SLC41A3: variants seen among roughly 807,000 people sequenced by gnomAD.
SLC41A3 encodes the protein solute carrier family 41 member 3.
A neutral mutation model predicts 45.4 loss-of-function variants in SLC41A3; 44 were observed. The observed-to-expected ratio is 0.97, with a 90% CI of 0.76 to 1.25. The LOEUF is 1.25. Ranked by LOEUF, SLC41A3 falls within the 50% of genes most tolerant of loss-of-function variation. SLC41A3 has a pLI of 0.00. For missense variants in SLC41A3, 550 were observed against 600.6 expected (o/e 0.92, Z 0.88); for synonymous variants, 256 against 252.4 (o/e 1.01, Z -0.13).
In SLC41A3 at chr3:126,015,478, C is replaced by A; in HGVS notation, c.970+16G>T. 1 of 1,613,846 alleles carries A rather than the reference C, an allele frequency of 6.2e-7. No individual in the cohort carries two copies. Among genetic ancestry groups the A allele is most frequent in the Non-Finnish European group, 8.5e-7 (1 of 1,179,766 alleles). On this transcript the variant is annotated intron_variant, in intron 8 of 10. Transcript: ENST00000360370. ...ACCCAACCCAGGGACCACATGGGAA[C>A]CCTTCAAATACGTACCACATATGAC...
intron 4 of SLC41A3, among the ~76,000 whole-genome samples, chr3:126,029,314 T>C (rs368394167): frequency 1.3e-5 from 2 of 152,150 alleles, no homozygotes; most frequent in East Asian, 1.9e-4. Flanking sequence ...GGTGCTGTCA[T>C]CTACAATGAG....
At chr3:126,092,229 G>A (rs1397464061) in intron 1 of SLC41A3, among the ~76,000 whole-genome samples, 1 of 152,216 alleles carries the variant, frequency 6.6e-6, no homozygotes, top group African/African-American at 2.4e-5. Flanking sequence ...TTACCGGAAT[G>A]AGGGCAAGGA....
chr3:126,046,974 A>AG (rs1943007220), intron 3 of SLC41A3, among the ~76,000 whole-genome samples: 1 of 151,592 alleles, frequency 6.6e-6, no homozygotes, highest in African/African-American at 2.4e-5. Flanking sequence ...AAAAAAAAAA[A>AG]AAAGAAAAGA....
chr3:126,007,949 C>T (rs553539067), intron 10 of SLC41A3, among the ~76,000 whole-genome samples: 1 of 152,380 alleles, frequency 6.6e-6, no homozygotes, highest in African/African-American at 2.4e-5. Flanking sequence ...CTGCCCAACA[C>T]AGGCACCAGC....
chr3:126,010,581 T>C (rs1384674104), intron 9 of SLC41A3, among the ~76,000 whole-genome samples: 1 of 152,172 alleles, frequency 6.6e-6, no homozygotes, highest in Non-Finnish European at 1.5e-5. Context: ...ACAAACTCTA[T>C]TCCAACAAAC....
At chr3:126,054,501 C>A (rs1024879854) in intron 2 of SLC41A3, among the ~76,000 whole-genome samples, 1 of 152,254 alleles carries the variant, frequency 6.6e-6, no homozygotes, top group African/African-American at 2.4e-5. Context: ...GTAGACAGAG[C>A]CCCTCACTCC....
rs66615933 is a variant in SLC41A3, at chr3:126,046,356, T to TACACAC, written c.381+4581_381+4586dup. 9.1e-3 allele frequency among the ~76,000 whole-genome samples: 1,374 copies of TACACAC among 150,642 alleles called. 10 individuals are homozygous for TACACAC. The highest frequency in any genetic ancestry group is 0.01 in the Non-Finnish European group (708 of 67,588). Reference sequence around the variant, plus strand: ...CTTATATGCTGAAAACTCTAAAGATTACACACACACACACACACACACACA... The same window carrying TACACAC: ...CTTATATGCTGAAAACTCTAAAGATTACACACACACACACACACACACACACACACA... On this transcript the variant is annotated intron_variant, in intron 3 of 10. Coordinates refer to ENST00000360370, the MANE Select transcript of SLC41A3 (RefSeq NM_017836.4).
intron 7 of SLC41A3, among the ~76,000 whole-genome samples, 182 bp downstream of exon 7, chr3:126,016,549 C>A (rs1940301213): frequency 1.3e-5 from 2 of 152,174 alleles, no homozygotes; most frequent in South Asian, 4.1e-4. Context: ...CCAGGGTTCT[C>A]AGTGAAAGGG....
At chr3:126,054,666 A>G (rs1009786190) in intron 2 of SLC41A3, among the ~76,000 whole-genome samples, 11 of 148,774 alleles carry the variant, frequency 7.4e-5, no homozygotes, top group South Asian at 2.2e-4. Flanking sequence ...CATTACCTTT[A>G]AAGTCCAAAT....
At chr3:126,012,373 T>G (rs1212285718) in intron 9 of SLC41A3, among the ~76,000 whole-genome samples, 1 of 152,122 alleles carries the variant, frequency 6.6e-6, no homozygotes, top group Non-Finnish European at 1.5e-5. Context: ...AGAAATCAGC[T>G]CTCCCTGTTT....
chr3:126,074,846 A>T (rs1310242200), intron 1 of SLC41A3, among the ~76,000 whole-genome samples: 1 of 152,146 alleles, frequency 6.6e-6, no homozygotes, highest in Admixed American at 6.5e-5. Context: ...ATGCTCAGCT[A>T]CTATTTTATT....
chr3:126,064,781 C>A (rs1268595314), intron 2 of SLC41A3, among the ~76,000 whole-genome samples: 5 of 152,228 alleles, frequency 3.3e-5, no homozygotes, highest in Admixed American at 2.6e-4. Context: ...ATGCTCATCC[C>A]AGTCCACCCA....
chr3:126,096,781 A>C (rs6780025), intron 1 of SLC41A3, among the ~76,000 whole-genome samples: 26,058 of 143,554 alleles, frequency 0.18, 2,364 homozygotes, highest in Middle Eastern at 0.28. Flanking sequence ...TCAGCTCTCA[A>C]GGCTGTGAGA....
At position 126,026,620 on chromosome 3, in the gene SLC41A3, C is replaced by T; in HGVS notation, c.454-141G>A. ...CCCTTACCCTAAAATCTCACAGGCC[C>T]TCACCCCAGGAAAAACTAATACCAC... On this transcript the variant is annotated intron_variant, in intron 4 of 10. Transcript: ENST00000360370. The surrounding 1 kb of genome is among the most constrained non-coding windows in gnomAD (Gnocchi z 4.2). 2.6e-6 allele frequency: 3 copies of T among 1,166,912 alleles called. No homozygotes were observed. Among genetic ancestry groups the T allele is most frequent in the Non-Finnish European group, 3.6e-6 (3 of 834,210 alleles). The allele number at this position is 1,166,912 out of a possible 1,614,324, so 72.3% of individuals were successfully genotyped here.
At chr3:126,017,446 C>T (rs756934367) in intron 6 of SLC41A3, among the ~76,000 whole-genome samples, 3 of 152,324 alleles carry the variant, frequency 2.0e-5, no homozygotes, top group East Asian at 1.9e-4. Flanking sequence ...GGTAGCTACT[C>T]GTGTCCCCAT....
At chr3:126,013,768 T>G (rs1939971107) in intron 8 of SLC41A3, among the ~76,000 whole-genome samples, 1 of 152,146 alleles carries the variant, frequency 6.6e-6, no homozygotes, top group East Asian at 1.9e-4. Context: ...CAGTTGTCAG[T>G]GCAAACTCCC....
chr3:126,071,684 A>C (rs1484296411), intron 1 of SLC41A3, among the ~76,000 whole-genome samples: 1 of 152,214 alleles, frequency 6.6e-6, no homozygotes, highest in Non-Finnish European at 1.5e-5. Flanking sequence ...ATCATACAAA[A>C]TATGTTTTCC....
At chr3:126,094,073 G>A (rs969744840) in intron 1 of SLC41A3, among the ~76,000 whole-genome samples, 1 of 152,204 alleles carries the variant, frequency 6.6e-6, no homozygotes, top group Non-Finnish European at 1.5e-5. Flanking sequence ...TATAACTTCT[G>A]TACCTATAAA....
chr3:126,042,383 A>C (rs1942651793), intron 3 of SLC41A3, among the ~76,000 whole-genome samples: 1 of 151,996 alleles, frequency 6.6e-6, no homozygotes, highest in African/African-American at 2.4e-5. Context: ...AACCCCCGAA[A>C]AGACCTTAAG....
Sources: gnomAD v4.1 joint callset for allele counts (sites outside exome capture counted in the v4.1 genomes callset) on GRCh38, gnomAD v4.1.1 for gene constraint, Gnocchi (gnomAD v3.1) non-coding constraint, MANE v1.5 for transcripts, NCBI Gene and HGNC (gene_info 2026-07-23, HGNC 2026-07-21) for gene names.